The following YEATS2 variants were observed in gnomAD, a reference collection of about 807,000 sequenced individuals.
YEATS2 encodes YEATS domain containing 2.
Under a neutral mutation model 163.2 loss-of-function variants are expected in YEATS2, and 77 were observed. That is an observed-to-expected ratio of 0.47 (90% CI 0.39 to 0.57). The LOEUF (loss-of-function observed/expected upper bound fraction) is 0.57. YEATS2 is among the 20% of genes least tolerant of loss of function. The probability of loss-of-function intolerance (pLI) is 0.00; values close to 1 mark genes in which losing one functional copy is unlikely to be tolerated. For synonymous variants in YEATS2, 631 were observed against 645.1 expected (o/e 0.98, Z 0.33); for missense variants, 1,549 against 1,729.8 (o/e 0.90, Z 1.85).
chr3:183,808,000 C>G (rs547853692), intron 28 of YEATS2, 30 bp from the exon 29 acceptor site: 1 of 1,541,446 alleles, frequency 6.5e-7, no homozygotes, highest in Admixed American at 2.0e-5. Context: ...AGCAGCGATA[C>G]GAACAAACGG....
chr3:183,701,049 A>G (rs935046564), intron 1 of YEATS2, among the ~76,000 whole-genome samples: 2 of 144,696 alleles, frequency 1.4e-5, no homozygotes, highest in Non-Finnish European at 3.0e-5. Context: ...GTGTATATAT[A>G]TATGTGTGTG....
At chr3:183,701,330 G>A (rs1462385830) in intron 1 of YEATS2, among the ~76,000 whole-genome samples, 1 of 151,900 alleles carries the variant, frequency 6.6e-6, no homozygotes, top group African/African-American at 2.4e-5. Flanking sequence ...GTCGTGATCT[G>A]CCTGCCTTGG....
chr3:183,777,815 C>A (rs1577171943), intron 19 of YEATS2, 115 bp downstream of exon 19: 1 of 1,382,650 alleles, frequency 7.2e-7, no homozygotes, highest in Non-Finnish European at 9.7e-7. Context: ...AGAAAATGAA[C>A]AATAAGGCCA....
chr3:183,755,131 T>TC (rs1156373023), intron 11 of YEATS2, among the ~76,000 whole-genome samples: 21 of 151,912 alleles, frequency 1.4e-4, no homozygotes, highest in Admixed American at 1.3e-3. Flanking sequence ...TTTTTTTTTT[T>TC]TGAGATGGAG....
Position 183,773,708 on chromosome 3 carries a change from T to C in YEATS2, c.2282T>C (p.Leu761Pro). The C allele has an allele frequency of 6.2e-7, 1 of 1,613,806 alleles. No individual in the cohort carries two copies. Among genetic ancestry groups the C allele is most frequent in the Non-Finnish European group, 8.5e-7 (1 of 1,179,926 alleles). The part of the protein sequence containing the change: ...ANLPPGTKLY[L>P]TTNSKNPSGK... ...TTGCCTCCTGGCACTAAACTCTACC[T>C]AACTACAAACAGCAAGAACCCTTCA... The change falls in exon 17 of 31, where the codon CTA becomes CCA. Residue 761 changes from leucine to proline, a missense_variant. Transcript: ENST00000305135.
intron 1 of YEATS2, among the ~76,000 whole-genome samples, chr3:183,708,160 C>CTTTT (rs35605564): frequency 1.2e-4 from 14 of 120,894 alleles, no homozygotes; most frequent in East Asian, 2.5e-4. Flanking sequence ...GAATTGGCCA[C>CTTTT]TTTTTTTTTT....
chr3:183,750,692 T>A (rs2109277667), intron 9 of YEATS2, among the ~76,000 whole-genome samples: 1 of 152,348 alleles, frequency 6.6e-6, no homozygotes, highest in Non-Finnish European at 1.5e-5. Context: ...ATGTTGAGGA[T>A]CCCTTCATGT....
intron 19 of YEATS2, 109 bp from the exon 20 acceptor site, chr3:183,786,016 T>G (rs995741162): frequency 7.6e-6 from 10 of 1,308,190 alleles, no homozygotes; most frequent in Non-Finnish European, 1.0e-5. Flanking sequence ...TGGTAAGACT[T>G]TCTTGGTTAT....
Position 183,790,990 on chromosome 3 carries a change from A to C in YEATS2, c.3097+10A>C. On this transcript the variant is annotated intron_variant, in intron 21 of 30. Transcript: ENST00000305135. ...AAAGCCACAGTATCCGGTGAGTTGC[A>C]TTGTGATATTATTTCTCTCTCTTTT... 6.2e-7 allele frequency: 1 copy of C among 1,608,416 alleles called. No homozygotes were observed. Among genetic ancestry groups the C allele is most frequent in the Non-Finnish European group, 8.5e-7 (1 of 1,176,252 alleles).
intron 21 of YEATS2, among the ~76,000 whole-genome samples, chr3:183,796,905 A>G (rs531983285): frequency 6.6e-6 from 1 of 152,216 alleles, no homozygotes; most frequent in East Asian, 1.9e-4. Flanking sequence ...ACTAGCAAAA[A>G]TGTGTTACTT....
chr3:183,728,764 G>A lies in YEATS2; in HGVS notation c.725G>A (p.Arg242His), dbSNP rs371729831. ...TGGATGGTATATGTCCGAGGGTCCCGTAGAGAACCCAGCATTAATCATTTT... is the reference window on the plus strand; with the variant it reads ...TGGATGGTATATGTCCGAGGGTCCCATAGAGAACCCAGCATTAATCATTTT... ...HKWMVYVRGS[R>H]REPSINHFVK... Residue 242 changes from arginine (R) to histidine (H), a missense_variant, in exon 7 of 31, where the codon CGT becomes CAT. By Grantham distance (29) the Arg-to-His change is conservative (BLOSUM62 0). Coordinates refer to ENST00000305135, the MANE Select transcript of YEATS2 (RefSeq NM_018023.5). 83 of 1,613,900 alleles carry A rather than the reference G, an allele frequency of 5.1e-5. No individual in the cohort carries two copies. The highest frequency in any genetic ancestry group is 6.4e-5 in the Non-Finnish European group (75 of 1,179,940).
At position 183,760,267 on chromosome 3, in the gene YEATS2, T is replaced by G. The variant is rs368373671; in HGVS notation, c.1657-1240T>G. On this transcript the variant is annotated intron_variant, in intron 13 of 30. Coordinates refer to ENST00000305135, the MANE Select transcript of YEATS2 (RefSeq NM_018023.5). ...CGTTTCCAAATTTTGACAGATTACC[T>G]CTGAGATTTGCATTTTGTGTTTGAG... Among the ~76,000 whole-genome samples the G allele has an allele frequency of 2.6e-5, 4 of 151,706 alleles. No individual in the cohort carries two copies. The South Asian group carries it at 8.3e-4, about 32-fold the overall frequency.
At chr3:183,804,245 G>C in intron 27 of YEATS2, 57 bp downstream of exon 27, 1 of 1,599,292 alleles carries the variant, frequency 6.3e-7, no homozygotes, top group Non-Finnish European at 8.5e-7. Flanking sequence ...ATTTGCTGAG[G>C]TAGAGAGAGA....
intron 24 of YEATS2, 107 bp downstream of exon 24, chr3:183,800,675 G>A (rs1264947272): frequency 3.9e-5 from 33 of 854,282 alleles, no homozygotes; most frequent in South Asian, 4.9e-5. Flanking sequence ...AGCCCTTGAC[G>A]GGAGGAACTG....
chr3:183,700,629 C>G (rs1209630850), intron 1 of YEATS2, among the ~76,000 whole-genome samples: 8 of 132,148 alleles, frequency 6.1e-5, no homozygotes, highest in African/African-American at 2.3e-4. Context: ...GACAGAATCA[C>G]AGTCTGTTGC....
intron 19 of YEATS2, among the ~76,000 whole-genome samples, chr3:183,782,385 G>A (rs1038456511): frequency 4.6e-5 from 7 of 150,892 alleles, no homozygotes; most frequent in African/African-American, 1.2e-4. Flanking sequence ...CTAGGATTAC[G>A]GACATGAGCC....
At chr3:183,699,353 G>C (rs569947515) in intron 1 of YEATS2, among the ~76,000 whole-genome samples, 9 of 151,782 alleles carry the variant, frequency 5.9e-5, no homozygotes, top group Non-Finnish European at 1.0e-4. Flanking sequence ...TATGAAGTCG[G>C]TGTGTTGAGG....
intron 7 of YEATS2, among the ~76,000 whole-genome samples, chr3:183,733,765 TGAA>T (rs1199255035): frequency 6.6e-6 from 1 of 152,188 alleles, no homozygotes; most frequent in Non-Finnish European, 1.5e-5. Flanking sequence ...CTGCTCTTGT[TGAA>T]GCACTTTCTT....
intron 11 of YEATS2, 81 bp downstream of exon 11, chr3:183,754,446 C>T: frequency 1.3e-6 from 2 of 1,499,122 alleles, no homozygotes. Flanking sequence ...AAATACTTGG[C>T]TTTTTTTCTC....
Sources: gnomAD v4.1 joint callset for allele counts (sites outside exome capture counted in the v4.1 genomes callset) on GRCh38, gnomAD v4.1.1 for gene constraint, MANE v1.5 for transcripts, NCBI Gene and HGNC (gene_info 2026-07-23, HGNC 2026-07-21) for gene names.